The following CTTN variants were observed in gnomAD, a reference collection of about 807,000 sequenced individuals.
CTTN encodes cortactin, also known as src substrate cortactin.
A neutral mutation model predicts 84.0 loss-of-function variants in CTTN; 28 were observed. The ratio of observed to expected loss-of-function variants is 0.33; its 90% CI spans 0.25 to 0.46. CTTN has a LOEUF of 0.46. Among genes scored for constraint, CTTN ranks in the 20% least tolerant of loss-of-function variants. The pLI, the probability that CTTN is intolerant of heterozygous loss-of-function variation, is 1.00. For synonymous variants in CTTN, 301 were observed against 288.8 expected (o/e 1.04, Z -0.43); for missense variants, 641 against 723.8 (o/e 0.89, Z 1.31).
At chr11:70,418,261 C>G in intron 8 of CTTN, among the ~76,000 whole-genome samples, 1 of 152,252 alleles carries the variant, frequency 6.6e-6, no homozygotes, top group Non-Finnish European at 1.5e-5. Flanking sequence ...CCTGGCCTTG[C>G]CTTCCTGCCG....
chr11:70,421,462 AT>A lies in CTTN; in HGVS notation c.791-4del. 1 of 1,600,448 alleles carries A rather than the reference AT, an allele frequency of 6.2e-7. No individual in the cohort carries two copies. Among genetic ancestry groups the A allele is most frequent in the Non-Finnish European group, 8.6e-7 (1 of 1,167,640 alleles). ...TTGTTTTCCCCACCGTTGCTTGTGG[AT>A]TTTCAGATTATAAGACTGGTTTTGG... On this transcript the variant is annotated splice_polypyrimidine_tract_variant and splice_region_variant and intron_variant, in intron 10 of 17. Coordinates refer to ENST00000301843, the MANE Select transcript of CTTN (RefSeq NM_005231.4).
chr11:70,406,119 C>G (rs1463983165), intron 2 of CTTN, among the ~76,000 whole-genome samples: 1 of 152,242 alleles, frequency 6.6e-6, no homozygotes, highest in Non-Finnish European at 1.5e-5. Context: ...ATGCTTTGGG[C>G]ATTGACAGAA....
At chr11:70,431,982 A>G (rs536187562) in intron 15 of CTTN, among the ~76,000 whole-genome samples, 3 of 152,176 alleles carry the variant, frequency 2.0e-5, no homozygotes, top group South Asian at 2.1e-4. Flanking sequence ...ATCCTGGTCT[A>G]TGCATTCATC....
Position 70,433,702 on chromosome 11 carries a change from G to A in CTTN, c.1500G>A (p.Leu500=). 5.6e-6 allele frequency: 9 copies of A among 1,613,758 alleles called. No homozygotes were observed. The highest frequency in any genetic ancestry group is 3.3e-5 in the South Asian group (3 of 91,064). The change falls in exon 17 of 18, where the codon CTG becomes CTA. Residue 500 remains leucine (L), a synonymous_variant. Transcript: ENST00000301843. The part of the protein sequence containing the change: ...ENDLGITAVA[L]YDYQAAGDDE... Reference sequence around the variant, plus strand: ...ATCTGGGGATCACAGCCGTCGCCCTGTACGACTACCAGGCTGGTGAGCGGC... The same window carrying A: ...ATCTGGGGATCACAGCCGTCGCCCTATACGACTACCAGGCTGGTGAGCGGC...
In CTTN at chr11:70,433,142, T is replaced by C; in HGVS notation, c.1308T>C (p.Pro436=). ...SFKAELSYRG[P]VSGTEPEPVY... ...AGGCAGAGCTGAGCTACAGAGGCCC[T>C]GTGAGTGGGACGGAGCCGGAGCCCG... The change falls in exon 16 of 18, where the codon CCT becomes CCC. Residue 436 remains proline, a synonymous_variant. Coordinates refer to ENST00000301843, the MANE Select transcript of CTTN (RefSeq NM_005231.4). The C allele has an allele frequency of 1.7e-5, 28 of 1,613,728 alleles. No homozygotes were observed. Among genetic ancestry groups the C allele is most frequent in the Non-Finnish European group, 2.4e-5 (28 of 1,179,980 alleles).
At chr11:70,411,615 G>A (rs2135560648) in intron 5 of CTTN, among the ~76,000 whole-genome samples, 1 of 152,330 alleles carries the variant, frequency 6.6e-6, no homozygotes, top group East Asian at 1.9e-4. Flanking sequence ...TTACATATTG[G>A]GGAAAAGAAA....
intron 6 of CTTN, among the ~76,000 whole-genome samples, 184 bp from the exon 7 acceptor site, chr11:70,415,479 C>T (rs1476821703): frequency 1.3e-5 from 2 of 152,204 alleles, no homozygotes; most frequent in African/African-American, 4.8e-5. Flanking sequence ...TGCAGTGGGC[C>T]TGTCCGTTTA....
intron 13 of CTTN, among the ~76,000 whole-genome samples, chr11:70,428,003 T>G (rs750623720): frequency 2.0e-5 from 3 of 152,160 alleles, no homozygotes; most frequent in Non-Finnish European, 2.9e-5. Context: ...TAACCATAGT[T>G]GGACTGTCAG....
chr11:70,415,842 C>T (rs981524671), intron 7 of CTTN, 125 bp downstream of exon 7: 10 of 886,832 alleles, frequency 1.1e-5, no homozygotes, highest in Non-Finnish European at 1.7e-5. Flanking sequence ...CACCTGAAGC[C>T]GTTTCCTGAG....
At chr11:70,401,661 C>CAAA (rs1210073736) in intron 1 of CTTN, among the ~76,000 whole-genome samples, 6 of 137,476 alleles carry the variant, frequency 4.4e-5, no homozygotes, top group African/African-American at 1.3e-4. Flanking sequence ...CAAAAAAAAA[C>CAAA]AAAAAAAAAA....
chr11:70,429,017 C>T (rs2135592483), intron 13 of CTTN, 34 bp from the exon 14 acceptor site: 2 of 1,612,788 alleles, frequency 1.2e-6, no homozygotes, highest in Non-Finnish European at 1.7e-6. Flanking sequence ...TTTTGCTGTG[C>T]TCAAGGCACA....
chr11:70,422,892 A>G (rs766346935), intron 11 of CTTN, 48 bp from the exon 12 acceptor site: 2 of 1,613,320 alleles, frequency 1.2e-6, no homozygotes, highest in South Asian at 1.1e-5. Context: ...GGCCACCCCC[A>G]TGCTCGCCTC....
At chr11:70,416,598 GT>G in intron 7 of CTTN, 1 of 166,310 alleles carries the variant, frequency 6.0e-6, no homozygotes, top group Non-Finnish European at 1.3e-5. Flanking sequence ...CCCCTGGCTA[GT>G]TTTTCTATTT....
intron 10 of CTTN, 59 bp downstream of exon 10, chr11:70,420,569 G>T (rs1045696945): frequency 3.2e-6 from 4 of 1,258,820 alleles, no homozygotes; most frequent in Non-Finnish European, 4.7e-6. Context: ...GTTCCTTGCG[G>T]GGTCAGTTGG....
intron 1 of CTTN, among the ~76,000 whole-genome samples, chr11:70,403,529 T>C (rs181406227): frequency 6.6e-6 from 1 of 152,262 alleles, no homozygotes; most frequent in East Asian, 1.9e-4. Flanking sequence ...CAAAATACTT[T>C]TCTCTCAGGA....
chr11:70,425,629 C>T (rs370077470), intron 13 of CTTN, among the ~76,000 whole-genome samples: 12 of 152,178 alleles, frequency 7.9e-5, no homozygotes, highest in South Asian at 2.1e-4. Context: ...CAGTGGGGCC[C>T]GTTTCAAGGG....
intron 13 of CTTN, among the ~76,000 whole-genome samples, chr11:70,428,142 G>C (rs2058318337): frequency 7.3e-6 from 1 of 136,130 alleles, no homozygotes; most frequent in African/African-American, 2.6e-5. Context: ...GAAGGCTCAT[G>C]TGTCTTCCCA....
At position 70,435,469 on chromosome 11, in the gene CTTN, C is replaced by G; in HGVS notation, c.*307C>G. 1 of 1,545,340 alleles carries G rather than the reference C, an allele frequency of 6.5e-7. No individual in the cohort carries two copies. Among genetic ancestry groups the G allele is most frequent in the Non-Finnish European group, 8.7e-7 (1 of 1,152,694 alleles). On this transcript the variant is annotated 3_prime_UTR_variant, in exon 18 of 18. Transcript: ENST00000301843. ...CAAATTGACTGTCACGCGGCAGCTTCAGGGAGCTCGCATTCTCTTGTGTTC... is the reference window on the plus strand; with the variant it reads ...CAAATTGACTGTCACGCGGCAGCTTGAGGGAGCTCGCATTCTCTTGTGTTC...
At chr11:70,411,634 G>A (rs1023560609) in intron 5 of CTTN, among the ~76,000 whole-genome samples, 1 of 152,234 alleles carries the variant, frequency 6.6e-6, no homozygotes, top group East Asian at 1.9e-4. Flanking sequence ...AAGGCAACGT[G>A]TCAGGAGAGC....
Sources: gnomAD v4.1 joint callset for allele counts (sites outside exome capture counted in the v4.1 genomes callset) on GRCh38, gnomAD v4.1.1 for gene constraint, MANE v1.5 for transcripts, NCBI Gene and HGNC (gene_info 2026-07-23, HGNC 2026-07-21) for gene names.